GALNT13: variants seen among roughly 807,000 people sequenced by gnomAD.
GALNT13 encodes UDP-GalNAc:polypeptide N-acetylgalactosaminyltransferase 13.
In GALNT13, 28 loss-of-function variants were observed where a neutral mutation model predicts 64.2. That is an observed-to-expected ratio of 0.44 (90% CI 0.32 to 0.60). The LOEUF is 0.60. Among genes scored for constraint, GALNT13 ranks in the 20% least tolerant of loss-of-function variants. The pLI is 0.05. For missense variants in GALNT13, 577 were observed against 669.8 expected, an observed-to-expected ratio of 0.86 and a Z score of 1.53; for synonymous variants, 214 against 224.6, an observed-to-expected ratio of 0.95 and a Z score of 0.42.
the GALNT13 span, among the ~76,000 whole-genome samples, chr2:153,193,986 A>G: frequency 6.6e-6 from 1 of 152,092 alleles, no homozygotes; most frequent in Non-Finnish European, 1.5e-5. Context: ...GGGTTCCCTT[A>G]TATGTGACTA....
chr2:153,374,260 C>T, the GALNT13 span, among the ~76,000 whole-genome samples: 74 of 152,280 alleles, frequency 4.9e-4, no homozygotes, highest in Non-Finnish European at 6.6e-4. Flanking sequence ...ACACTTGTTA[C>T]CTGTTAGCCA....
rs562388669 is a variant in GALNT13 at position 154,113,372 on chromosome 2, C to T, written c.143-26965C>T. Among the ~76,000 whole-genome samples, 43 of 152,230 alleles carry T rather than the reference C, an allele frequency of 2.8e-4. 1 individual carries two copies. The highest frequency in any genetic ancestry group is 5.0e-4 in the Non-Finnish European group (34 of 68,040). On this transcript the variant is annotated intron_variant, in intron 3 of 12. Coordinates refer to ENST00000392825, the MANE Select transcript of GALNT13 (RefSeq NM_052917.4). Reference sequence around the variant, plus strand: ...GAGCCTTCTCCGCCTGGATTCCACTCCAAACTGGCAGCCTTTCGGGTCACT... The same window carrying T: ...GAGCCTTCTCCGCCTGGATTCCACTTCAAACTGGCAGCCTTTCGGGTCACT...
intron 12 of GALNT13, among the ~76,000 whole-genome samples, chr2:154,445,528 CA>C (rs1169142129): frequency 6.6e-6 from 1 of 151,524 alleles, no homozygotes; most frequent in Non-Finnish European, 1.5e-5. Context: ...GGTTTAAAAA[CA>C]AAAATATAAA....
chr2:153,705,305 C>G, the GALNT13 span, among the ~76,000 whole-genome samples: 1 of 151,532 alleles, frequency 6.6e-6, no homozygotes, highest in South Asian at 2.1e-4. Context: ...TCTGCCCTCT[C>G]TAAGTCATAA....
Position 154,042,458 on chromosome 2 carries a change from G to A in GALNT13, c.142+97819G>A, listed in dbSNP as rs535048111. On this transcript the variant is annotated intron_variant, in intron 3 of 12. Transcript: ENST00000392825. The stretch of plus-strand genomic sequence containing the variant: ...TAATATGTTATGACATTATAATTTG[G>A]TTTTATTTGTTGGTCGCAGCTTAAA... 2.2e-4 allele frequency among the ~76,000 whole-genome samples: 30 copies of A among 139,458 alleles called. 8 individuals carry two copies. Among genetic ancestry groups the A allele is most frequent in the Non-Finnish European group, 4.8e-4 (29 of 60,916 alleles). 91.5% of individuals were successfully genotyped at this position (139,458 alleles called of 152,430 possible).
chr2:153,985,362 C>T (rs1317646349), intron 3 of GALNT13, among the ~76,000 whole-genome samples: 4 of 151,968 alleles, frequency 2.6e-5, no homozygotes, highest in African/African-American at 9.7e-5. Flanking sequence ...CACTGTAATA[C>T]ATAGAACATA....
intron 3 of GALNT13, among the ~76,000 whole-genome samples, chr2:153,982,613 C>T (rs1434405773): frequency 6.6e-6 from 1 of 152,024 alleles, no homozygotes; most frequent in Non-Finnish European, 1.5e-5. Context: ...AGAAGCTTAA[C>T]TATCTTTAAC....
At chr2:153,393,765 A>G in the GALNT13 span, among the ~76,000 whole-genome samples, 1 of 152,008 alleles carries the variant, frequency 6.6e-6, no homozygotes, top group Non-Finnish European at 1.5e-5. Context: ...GAGGAAAAAG[A>G]TTGATCTCCC....
the GALNT13 span, among the ~76,000 whole-genome samples, chr2:153,802,940 C>T: frequency 3.3e-5 from 5 of 152,204 alleles, no homozygotes; most frequent in Non-Finnish European, 7.3e-5. Context: ...TAGCACTTGG[C>T]CTCACATATT....
At chr2:154,285,203 CA>C (rs1461442369) in intron 8 of GALNT13, among the ~76,000 whole-genome samples, 2 of 152,098 alleles carry the variant, frequency 1.3e-5, no homozygotes, top group Non-Finnish European at 2.9e-5. Context: ...CTTTGTTATG[CA>C]AGAGCTTTTT....
intron 8 of GALNT13, among the ~76,000 whole-genome samples, chr2:154,291,898 T>C (rs923162419): frequency 7.2e-5 from 11 of 152,232 alleles, no homozygotes; most frequent in Admixed American, 5.9e-4. Flanking sequence ...CTTTTATGTT[T>C]GAGATAAATC....
At chr2:154,086,484 G>A (rs1218728822) in intron 3 of GALNT13, among the ~76,000 whole-genome samples, 1 of 149,608 alleles carries the variant, frequency 6.7e-6, no homozygotes, top group Non-Finnish European at 1.5e-5. Context: ...TTAAGATATA[G>A]GTATGGGCAA....
At chr2:153,286,633 G>A in the GALNT13 span, among the ~76,000 whole-genome samples, 1 of 152,164 alleles carries the variant, frequency 6.6e-6, no homozygotes, top group Non-Finnish European at 1.5e-5. Context: ...ATAGACACCA[G>A]TGCATGCACT....
chr2:154,016,522 A>G (rs1697015075), intron 3 of GALNT13, among the ~76,000 whole-genome samples: 1 of 152,076 alleles, frequency 6.6e-6, no homozygotes, highest in South Asian at 2.1e-4. Context: ...GGTTCAAGTG[A>G]TTCTCCTGCC....
the GALNT13 span, among the ~76,000 whole-genome samples, chr2:153,072,537 T>C: frequency 6.6e-6 from 1 of 152,338 alleles, no homozygotes; most frequent in Admixed American, 6.5e-5. Flanking sequence ...AATATTCAGC[T>C]ATAAATCCTT....
At chr2:153,569,096 A>G in the GALNT13 span, among the ~76,000 whole-genome samples, 4 of 152,172 alleles carry the variant, frequency 2.6e-5, no homozygotes, top group Non-Finnish European at 5.9e-5. Flanking sequence ...TTTAGAAAAC[A>G]TAGGTTTTTT....
the GALNT13 span, among the ~76,000 whole-genome samples, chr2:153,790,476 C>T: frequency 6.6e-6 from 1 of 152,108 alleles, no homozygotes; most frequent in Non-Finnish European, 1.5e-5. Flanking sequence ...CCATTTATGA[C>T]AAACCCAAAG....
Position 154,043,455 on chromosome 2 carries a change from T to TATATATATATACATACAC in GALNT13, c.143-96881_143-96880insTATATATATACATACACA, listed in dbSNP as rs1341373277. Among the ~76,000 whole-genome samples the TATATATATATACATACAC allele has an allele frequency of 7.6e-4, 80 of 104,962 alleles. 2 individuals are homozygous for TATATATATATACATACAC. The highest frequency in any genetic ancestry group is 3.2e-3 in the East Asian group (5 of 1,586). 68.9% of individuals were successfully genotyped at this position (104,962 alleles called of 152,430 possible). A position where few individuals can be genotyped will look rare whatever the true frequency, so the allele number is the denominator to read the frequency against. On this transcript the variant is annotated intron_variant, in intron 3 of 12. Coordinates refer to ENST00000392825, the MANE Select transcript of GALNT13 (RefSeq NM_052917.4). ...ATATATATATATATATATATATATA[T>TATATATATATACATACAC]ACACACATGTATACATAAAAACATG...
At chr2:153,725,252 A>T in the GALNT13 span, among the ~76,000 whole-genome samples, 3 of 150,076 alleles carry the variant, frequency 2.0e-5, no homozygotes, top group Non-Finnish European at 4.4e-5. Context: ...TGGGAATTGA[A>T]CAATGAGATC....
Sources: gnomAD v4.1 joint callset for allele counts (sites outside exome capture counted in the v4.1 genomes callset) on GRCh38, gnomAD v4.1.1 for gene constraint, MANE v1.5 for transcripts, NCBI Gene and HGNC (gene_info 2026-07-23, HGNC 2026-07-21) for gene names.